CDH23: variants seen among roughly 807,000 people sequenced by gnomAD.
CDH23 encodes cadherin related 23.
In CDH23, 189 loss-of-function variants were observed where a neutral mutation model predicts 317.1. The ratio of observed to expected loss-of-function variants is 0.60; its 90% CI spans 0.53 to 0.67. The LOEUF (loss-of-function observed/expected upper bound fraction) is 0.67. CDH23 is among the 30% of genes least tolerant of loss of function. CDH23 has a pLI of 0.00. For missense variants in CDH23, 4,401 were observed against 4,592.4 expected, an observed-to-expected ratio of 0.96 and a Z score of 1.20; for synonymous variants, 1,839 against 1,876.8, an observed-to-expected ratio of 0.98 and a Z score of 0.52.
At chr10:71,720,920 A>G (rs1204374108) in intron 28 of CDH23, among the ~76,000 whole-genome samples, 1 of 152,198 alleles carries the variant, frequency 6.6e-6, no homozygotes, top group Non-Finnish European at 1.5e-5. Context: ...GGCAGTAGGC[A>G]TCCAGGGTAG....
At chr10:71,508,991 G>T (rs1426021681) in intron 3 of CDH23, among the ~76,000 whole-genome samples, 1 of 152,168 alleles carries the variant, frequency 6.6e-6, no homozygotes, top group Non-Finnish European at 1.5e-5. Flanking sequence ...CTACACAGGG[G>T]AGCTGTGAGC....
In CDH23 at chr10:71,682,460, G is replaced by A. The variant is rs200907423; in HGVS notation, c.1874G>A (p.Arg625His). 5.5e-5 allele frequency: 89 copies of A among 1,611,790 alleles called. 2 individuals are homozygous for A. The South Asian group carries it at 6.0e-4, about 11-fold the overall frequency. Residue 625 changes from arginine to histidine, a missense_variant, in exon 18 of 70, where the codon CGC becomes CAC. By Grantham distance (29) the Arg-to-His change is conservative. Around this residue, in one of 3 missense-constraint regions of CDH23, gnomAD observed 3,068 missense variants for 3,203.3 expected, o/e 0.96. Transcript: ENST00000224721. ...GTCATTGCAGTGATCAGCGTCAGTCGCCCCCTGGATTATGAACAGATATCC... is the reference window on the plus strand; with the variant it reads ...GTCATTGCAGTGATCAGCGTCAGTCACCCCCTGGATTATGAACAGATATCC... The part of the protein sequence containing the change: ...YEGYGVISVS[R>H]PLDYEQISNG...
intron 19 of CDH23, among the ~76,000 whole-genome samples, chr10:71,690,237 G>C (rs539115921): frequency 6.6e-6 from 1 of 152,138 alleles, no homozygotes; most frequent in Non-Finnish European, 1.5e-5. Flanking sequence ...CCTCTCATGA[G>C]CCTTGTCCCC....
intron 9 of CDH23, among the ~76,000 whole-genome samples, chr10:71,580,173 A>G (rs952245504): frequency 6.6e-6 from 1 of 152,068 alleles, no homozygotes; most frequent in Admixed American, 6.6e-5. Context: ...AGCCAGACCC[A>G]CCTCTCTACT....
At chr10:71,581,583 A>G (rs1209127716) in intron 9 of CDH23, among the ~76,000 whole-genome samples, 2 of 152,216 alleles carry the variant, frequency 1.3e-5, no homozygotes, top group African/African-American at 4.8e-5. Context: ...TTTTGCCAAG[A>G]ACAAAGAGGC....
chr10:71,567,057 T>G, intron 7 of CDH23, 121 bp downstream of exon 7: 1 of 906,004 alleles, frequency 1.1e-6, no homozygotes, highest in East Asian at 2.7e-5. Context: ...CTATAATAAT[T>G]ATAGTGGTGA....
chr10:71,467,744 A>C (rs917582903), intron 3 of CDH23, among the ~76,000 whole-genome samples: 6 of 152,316 alleles, frequency 3.9e-5, no homozygotes, highest in Non-Finnish European at 5.9e-5. Flanking sequence ...AGTGCGTGTA[A>C]AAAGCTTAGA....
intron 14 of CDH23, among the ~76,000 whole-genome samples, chr10:71,656,014 C>T (rs1010526639): frequency 1.9e-4 from 29 of 152,178 alleles, no homozygotes; most frequent in African/African-American, 6.8e-4. Context: ...CTGTGTGACC[C>T]TGTCCCATTC....
chr10:71,438,365 A>C (rs1429521179), intron 1 of CDH23, among the ~76,000 whole-genome samples: 21 of 148,750 alleles, frequency 1.4e-4, no homozygotes, highest in African/African-American at 5.0e-4. Context: ...AAAAAAAAAA[A>C]GAAAGAAAGA....
At chr10:71,470,177 T>A (rs1337898511) in intron 3 of CDH23, among the ~76,000 whole-genome samples, 3 of 152,318 alleles carry the variant, frequency 2.0e-5, no homozygotes, top group Non-Finnish European at 4.4e-5. Context: ...GTTTTCAAAG[T>A]GGTTGTACCC....
At chr10:71,618,991 G>A (rs1589268173) in intron 11 of CDH23, among the ~76,000 whole-genome samples, 1 of 152,176 alleles carries the variant, frequency 6.6e-6, no homozygotes, top group African/African-American at 2.4e-5. Context: ...ATAACCCATG[G>A]TCCTAGGAGT....
intron 6 of CDH23, among the ~76,000 whole-genome samples, chr10:71,564,904 G>A (rs1857314910): frequency 6.6e-6 from 1 of 152,246 alleles, no homozygotes; most frequent in Non-Finnish European, 1.5e-5. Flanking sequence ...AAGCTTCAGA[G>A]TGATCTATTG....
At position 71,625,421 on chromosome 10, in the gene CDH23, A is replaced by AAAAACAC. The variant is rs778124827; in HGVS notation, c.1134+8031_1134+8032insACACAAA. ...TAAAAAAAAAAAAAAAAAAAAAAAA[A>AAAAACAC]AAATGACAAGGAGAAAAGGCCATAT... On this transcript the variant is annotated intron_variant, in intron 11 of 69. Transcript: ENST00000224721. Among the ~76,000 whole-genome samples the AAAAACAC allele has an allele frequency of 3.2e-5, 3 of 92,378 alleles. 1 individual carries two copies. The highest frequency in any genetic ancestry group is 1.1e-4 in the Admixed American group (1 of 8,966). The allele number at this position is 92,378 out of a possible 152,430, so 60.6% of individuals were successfully genotyped here.
Position 71,566,832 on chromosome 10 carries a change from C to T in CDH23, c.520C>T (p.Pro174Ser). ...CAGCGTCCTCTACTCCTTCCAGCCCCCCTCCCAATTCTTCGCCATTGACAG... is the reference window on the plus strand; with the variant it reads ...CAGCGTCCTCTACTCCTTCCAGCCCTCCTCCCAATTCTTCGCCATTGACAG... ...GGSVLYSFQP[P>S]SQFFAIDSAR... The change falls in exon 7 of 70, where the codon CCC becomes TCC. Residue 174 changes from proline to serine, a missense_variant. Pro to Ser is a moderately conservative substitution (Grantham distance 74). Around this residue, in one of 3 missense-constraint regions of CDH23, gnomAD observed 3,068 missense variants for 3,203.3 expected, o/e 0.96. Transcript: ENST00000224721. 1 of 1,613,992 alleles carries T rather than the reference C, an allele frequency of 6.2e-7. No individual in the cohort carries two copies. Among genetic ancestry groups the T allele is most frequent in the Non-Finnish European group, 8.5e-7 (1 of 1,179,882 alleles).
intron 38 of CDH23, chr10:71,748,759 C>T (rs911602194): frequency 3.3e-5 from 5 of 152,714 alleles, no homozygotes; most frequent in African/African-American, 4.8e-5. Flanking sequence ...CCCACAGCCA[C>T]CAGGGCTGGC....
chr10:71,551,794 C>T (rs1041287215), intron 6 of CDH23, among the ~76,000 whole-genome samples: 2 of 152,186 alleles, frequency 1.3e-5, no homozygotes, highest in East Asian at 1.9e-4. Flanking sequence ...GTCTCCGAGA[C>T]ACAATAGACC....
At chr10:71,413,439 C>A (rs1269514729) in intron 1 of CDH23, among the ~76,000 whole-genome samples, 1 of 151,926 alleles carries the variant, frequency 6.6e-6, no homozygotes, top group African/African-American at 2.4e-5. Flanking sequence ...TTTGTTTTTT[C>A]AAGATCGTTT....
chr10:71,600,485 G>A (rs1227597130), intron 9 of CDH23, among the ~76,000 whole-genome samples: 1 of 150,844 alleles, frequency 6.6e-6, no homozygotes, highest in Non-Finnish European at 1.5e-5. Context: ...TGTCTGTTGA[G>A]CATTTCCCAG....
intron 14 of CDH23, among the ~76,000 whole-genome samples, chr10:71,656,300 C>A (rs1056168493): frequency 2.8e-4 from 42 of 152,224 alleles, no homozygotes; most frequent in African/African-American, 9.2e-4. Context: ...GACCCTGCTT[C>A]CCTGGCTACT....
Sources: gnomAD v4.1 joint callset for allele counts (sites outside exome capture counted in the v4.1 genomes callset) on GRCh38, gnomAD v4.1.1 for gene constraint, gnomAD v4.1.1 regional missense constraint, MANE v1.5 for transcripts, NCBI Gene and HGNC (gene_info 2026-07-23, HGNC 2026-07-21) for gene names.